Variants in ALCAM observed in about 807,000 individuals in gnomAD.
ALCAM encodes activated leukocyte cell adhesion molecule.
ALCAM carries 30 observed loss-of-function variants against 70.9 expected under a neutral mutation model. The ratio of observed to expected loss-of-function variants is 0.42; its 90% confidence interval spans 0.32 to 0.57. The LOEUF (loss-of-function observed/expected upper bound fraction) is 0.57, where lower values mean the gene tolerates loss of function less well. Ranked by LOEUF, ALCAM falls within the 20% of genes least tolerant of loss-of-function variation. The pLI, the probability that ALCAM is intolerant of heterozygous loss-of-function variation, is 0.11. For synonymous variants in ALCAM, 249 were observed against 242.5 expected, an observed-to-expected ratio of 1.03 and a Z score of -0.25; for missense variants, 591 against 695.1, an observed-to-expected ratio of 0.85 and a Z score of 1.68.
chr3:105,542,460 C>G (rs898577947), intron 8 of ALCAM, among the ~76,000 whole-genome samples: 2 of 151,760 alleles, frequency 1.3e-5, no homozygotes, highest in African/African-American at 4.8e-5. Context: ...CCTGATGAAT[C>G]ATGGAAACAG....
chr3:105,482,051 CAA>C (rs1447685348), intron 1 of ALCAM, among the ~76,000 whole-genome samples: 1 of 152,152 alleles, frequency 6.6e-6, no homozygotes, highest in African/African-American at 2.4e-5. Context: ...AACAAATGAA[CAA>C]AAGAGCCAAG....
At chr3:105,410,194 C>A (rs1936351313) in intron 1 of ALCAM, among the ~76,000 whole-genome samples, 1 of 151,996 alleles carries the variant, frequency 6.6e-6, no homozygotes. Context: ...GTAACAGAAC[C>A]ACCTGACTAC....
chr3:105,427,884 A>G (rs1936831219), intron 1 of ALCAM, among the ~76,000 whole-genome samples: 1 of 152,008 alleles, frequency 6.6e-6, no homozygotes, highest in African/African-American at 2.4e-5. Context: ...TGATACACAG[A>G]GAAAGTTTCC....
At chr3:105,377,083 C>T (rs975574) in intron 1 of ALCAM, among the ~76,000 whole-genome samples, 104,096 of 151,952 alleles carry the variant, frequency 0.69, 35,973 homozygotes, top group East Asian at 0.92. Flanking sequence ...AAAGTGGAAA[C>T]ATACCATATA....
chr3:105,460,228 T>C (rs1937585239), intron 1 of ALCAM, among the ~76,000 whole-genome samples: 1 of 152,054 alleles, frequency 6.6e-6, no homozygotes, highest in South Asian at 2.1e-4. Flanking sequence ...GCAGATGTTA[T>C]TCCCTTCCCA....
At chr3:105,504,698 T>C (rs1939021432) in intron 1 of ALCAM, among the ~76,000 whole-genome samples, 1 of 152,186 alleles carries the variant, frequency 6.6e-6, no homozygotes, top group Admixed American at 6.5e-5. Flanking sequence ...TGTCTCTGCC[T>C]GCTAGGGTCT....
intron 1 of ALCAM, among the ~76,000 whole-genome samples, chr3:105,421,839 A>AT (rs371136733): frequency 4.7e-5 from 7 of 149,638 alleles, no homozygotes; most frequent in African/African-American, 7.3e-5. Context: ...GAGGTTTTTA[A>AT]TTTTTTTTTT....
chr3:105,510,574 A>G (rs574723904), intron 1 of ALCAM, among the ~76,000 whole-genome samples: 30 of 152,096 alleles, frequency 2.0e-4, no homozygotes, highest in Non-Finnish European at 4.0e-4. Flanking sequence ...GGATGTGAAG[A>G]GGAGAAGCAG....
At chr3:105,383,143 A>ATGGAT (rs1255538302) in intron 1 of ALCAM, among the ~76,000 whole-genome samples, 3 of 151,682 alleles carry the variant, frequency 2.0e-5, no homozygotes, top group African/African-American at 7.3e-5. Flanking sequence ...CCTTCAGAAC[A>ATGGAT]CAGTTTATAT....
chr3:105,400,612 C>T (rs957331184), intron 1 of ALCAM, among the ~76,000 whole-genome samples: 5 of 151,722 alleles, frequency 3.3e-5, no homozygotes, highest in Admixed American at 6.6e-5. Flanking sequence ...AGTAAAAGAC[C>T]CTCAGGACAT....
intron 1 of ALCAM, among the ~76,000 whole-genome samples, chr3:105,457,658 A>C (rs1350519141): frequency 2.0e-5 from 3 of 152,288 alleles, no homozygotes; most frequent in Non-Finnish European, 2.9e-5. Flanking sequence ...TTAGTACACA[A>C]AGTACATGTT....
intron 14 of ALCAM, among the ~76,000 whole-genome samples, chr3:105,564,410 A>G (rs1319759370): frequency 6.6e-6 from 1 of 152,174 alleles, no homozygotes; most frequent in East Asian, 1.9e-4. Flanking sequence ...AAATTATGAG[A>G]AAACTTTCTT....
chr3:105,449,760 A>G (rs1220429132), intron 1 of ALCAM, among the ~76,000 whole-genome samples: 3 of 152,212 alleles, frequency 2.0e-5, no homozygotes, highest in Non-Finnish European at 2.9e-5. Context: ...AATCAAACCA[A>G]TCAGCTTTAT....
intron 4 of ALCAM, among the ~76,000 whole-genome samples, chr3:105,532,579 A>G (rs1351118087): frequency 6.6e-6 from 1 of 152,126 alleles, no homozygotes. Context: ...ATTGCATTCC[A>G]TTGTGGACGA....
intron 1 of ALCAM, among the ~76,000 whole-genome samples, chr3:105,518,647 CACAAA>C (rs1939445731): frequency 6.6e-6 from 1 of 151,882 alleles, no homozygotes; most frequent in Admixed American, 6.6e-5. Context: ...GTATAGAGAA[CACAAA>C]ACAATTTTAA....
At chr3:105,379,786 A>G (rs1935470860) in intron 1 of ALCAM, among the ~76,000 whole-genome samples, 1 of 151,826 alleles carries the variant, frequency 6.6e-6, no homozygotes, top group Admixed American at 6.6e-5. Context: ...TTAAAAACCT[A>G]TAATTTTAAT....
rs1444463960 is a variant in ALCAM, at chr3:105,552,157, A to G, written c.1521A>G (p.Glu507=). The stretch of plus-strand genomic sequence containing the variant: ...TTTTCATTTCAGTAAGTATTCCAGA[A>G]CACGATGAGGCAGACGAGATAAGTG... ...SLNVSAISIP[E]HDEADEISDE... is the part of the protein sequence containing the mutation. The change falls in exon 13 of 16, where the codon GAA becomes GAG. Residue 507 remains glutamate, a synonymous_variant. Transcript: ENST00000306107. 3 of 1,601,414 alleles carry G rather than the reference A, an allele frequency of 1.9e-6. No individual in the cohort carries two copies. The highest frequency in any genetic ancestry group is 1.7e-5 in the Admixed American group (1 of 57,252).
At chr3:105,490,441 G>T (rs1286519649) in intron 1 of ALCAM, among the ~76,000 whole-genome samples, 1 of 152,268 alleles carries the variant, frequency 6.6e-6, no homozygotes, top group Non-Finnish European at 1.5e-5. Context: ...AGAAGTAAAA[G>T]TATTGTTCTT....
chr3:105,469,071 G>A (rs1479515382), intron 1 of ALCAM, among the ~76,000 whole-genome samples: 3 of 151,132 alleles, frequency 2.0e-5, no homozygotes, highest in African/African-American at 7.3e-5. Context: ...GCATTGTCCT[G>A]CTTCTTCATA....
Sources: gnomAD v4.1 joint callset for allele counts (sites outside exome capture counted in the v4.1 genomes callset) on GRCh38, gnomAD v4.1.1 for gene constraint, MANE v1.5 for transcripts, NCBI Gene and HGNC (gene_info 2026-07-23, HGNC 2026-07-21) for gene names.